The following MBD5 variants were observed in gnomAD, a reference collection of about 807,000 sequenced individuals.
The protein encoded by MBD5 is methyl-CpG-binding domain protein 5.
Under a neutral mutation model 117.3 loss-of-function variants are expected in MBD5, and 13 were observed. The observed-to-expected ratio is 0.11, with a 90% CI of 0.07 to 0.18. The LOEUF is 0.18. MBD5 is among the 10% of genes least tolerant of loss of function. MBD5 has a pLI of 1.00. For synonymous variants in MBD5, 727 were observed against 766.4 expected (o/e 0.95, Z 0.85); for missense variants, 1,879 against 2,093.8 (o/e 0.90, Z 2.00).
intron 1 of MBD5, among the ~76,000 whole-genome samples, chr2:148,023,113 G>T (rs1156530307): frequency 5.7e-5 from 8 of 141,022 alleles, no homozygotes; most frequent in African/African-American, 7.9e-5. Context: ...TAACTGCATT[G>T]GTATCTCTGA....
At chr2:148,451,749 C>A (rs1329022822) in intron 4 of MBD5, among the ~76,000 whole-genome samples, 1 of 151,980 alleles carries the variant, frequency 6.6e-6, no homozygotes, top group African/African-American at 2.4e-5. Flanking sequence ...AGGACTTGTT[C>A]TTAATTGGAG....
At chr2:148,213,196 C>T (rs1300835810) in intron 2 of MBD5, among the ~76,000 whole-genome samples, 1 of 152,136 alleles carries the variant, frequency 6.6e-6, no homozygotes, top group African/African-American at 2.4e-5. Context: ...AATATTATCA[C>T]TTAATTTTTT....
At chr2:148,071,386 T>C (rs1458661253) in intron 1 of MBD5, 1 of 151,864 alleles carries the variant, frequency 6.6e-6, no homozygotes, top group Non-Finnish European at 1.5e-5. Context: ...GCCACAATTA[T>C]TGAGGCAGGT....
chr2:148,052,206 GTTTTTT>G (rs70992189), intron 1 of MBD5, among the ~76,000 whole-genome samples: 2 of 83,742 alleles, frequency 2.4e-5, no homozygotes, highest in African/African-American at 9.5e-5. Flanking sequence ...CTGTTATTGA[GTTTTTT>G]TTTTTTTTTT....
At chr2:148,456,910 C>A (rs546508559) in intron 4 of MBD5, among the ~76,000 whole-genome samples, 2 of 152,232 alleles carry the variant, frequency 1.3e-5, no homozygotes, top group East Asian at 3.9e-4. Flanking sequence ...GCCTTTACTG[C>A]AAGGTGGTCT....
intron 3 of MBD5, among the ~76,000 whole-genome samples, chr2:148,297,346 T>C (rs1701679151): frequency 6.6e-6 from 1 of 152,236 alleles, no homozygotes; most frequent in Admixed American, 6.5e-5. Context: ...TCACCACCTA[T>C]GTGAAGCTTC....
At chr2:148,441,015 G>T (rs1706303800) in intron 4 of MBD5, among the ~76,000 whole-genome samples, 1 of 152,150 alleles carries the variant, frequency 6.6e-6, no homozygotes, top group South Asian at 2.1e-4. Context: ...AATGACATGT[G>T]AGGACTTCTT....
chr2:148,152,384 G>T (rs1425871297), intron 1 of MBD5, among the ~76,000 whole-genome samples: 1 of 152,216 alleles, frequency 6.6e-6, no homozygotes, highest in Non-Finnish European at 1.5e-5. Flanking sequence ...TGGAATAGGT[G>T]TGGTGCGGTG....
intron 8 of MBD5, chr2:148,471,586 T>C (rs1680798213): frequency 6.6e-6 from 1 of 152,116 alleles, no homozygotes; most frequent in Admixed American, 6.6e-5. Context: ...ATGTCTTTGT[T>C]GCTGATAGTA....
chr2:148,186,351 C>T (rs892261171), intron 2 of MBD5, among the ~76,000 whole-genome samples: 5 of 152,184 alleles, frequency 3.3e-5, no homozygotes, highest in Admixed American at 3.3e-4. Context: ...GTCCATTAAA[C>T]CACTTTTTCT....
chr2:148,398,102 T>G (rs1177705317), intron 4 of MBD5, among the ~76,000 whole-genome samples: 1 of 152,182 alleles, frequency 6.6e-6, no homozygotes, highest in East Asian at 1.9e-4. Context: ...TGAATAGTGC[T>G]GCAATAAACA....
intron 3 of MBD5, among the ~76,000 whole-genome samples, chr2:148,252,467 A>G (rs1700490195): frequency 6.7e-6 from 1 of 149,726 alleles, no homozygotes. Flanking sequence ...TCTCAAAAGG[A>G]AAAAAAGAAA....
intron 2 of MBD5, among the ~76,000 whole-genome samples, chr2:148,182,454 G>A (rs1698554440): frequency 6.6e-6 from 1 of 152,084 alleles, no homozygotes; most frequent in Admixed American, 6.5e-5. Flanking sequence ...TCTGACTGGA[G>A]ATTTTGGAAT....
At chr2:148,029,215 T>C (rs528045595) in intron 1 of MBD5, among the ~76,000 whole-genome samples, 18 of 152,082 alleles carry the variant, frequency 1.2e-4, no homozygotes, top group African/African-American at 4.3e-4. Flanking sequence ...TTCATAGAAG[T>C]ATAAAATTAA....
intron 4 of MBD5, among the ~76,000 whole-genome samples, chr2:148,362,858 G>C (rs1703582480): frequency 6.6e-6 from 1 of 152,146 alleles, no homozygotes; most frequent in Non-Finnish European, 1.5e-5. Flanking sequence ...GTCTGGAGTG[G>C]ACCTCCAGCA....
At chr2:148,387,429 C>T (rs1430872322) in intron 4 of MBD5, among the ~76,000 whole-genome samples, 1 of 152,044 alleles carries the variant, frequency 6.6e-6, no homozygotes, top group African/African-American at 2.4e-5. Context: ...CTGTGAAGAA[C>T]ATACAGCAAG....
rs1574480161 is a variant in MBD5 at position 148,485,804 on chromosome 2, T to C, written c.3607T>C (p.Leu1203=). 1 of 1,614,076 alleles carries C rather than the reference T, an allele frequency of 6.2e-7. No homozygotes were observed. Among genetic ancestry groups the C allele is most frequent in the South Asian group, 1.1e-5 (1 of 91,076 alleles). ...TCAACTGACTCATCTACAGTCGCTGTTAAACAACAATCAGATGTTTCCTCC... is the reference window on the plus strand; with the variant it reads ...TCAACTGACTCATCTACAGTCGCTGCTAAACAACAATCAGATGTTTCCTCC... ...NHQLTHLQSL[L]NNNQMFPPNQ... The change falls in exon 10 of 14, where the codon TTA becomes CTA. Residue 1203 remains leucine, a synonymous_variant. Transcript: ENST00000642680.
chr2:148,118,799 T>C (rs545318815), intron 1 of MBD5, among the ~76,000 whole-genome samples: 2 of 152,322 alleles, frequency 1.3e-5, no homozygotes, highest in Admixed American at 6.5e-5. Flanking sequence ...GATTTGTCAC[T>C]GACTTTTTTC....
intron 3 of MBD5, among the ~76,000 whole-genome samples, chr2:148,334,955 T>C (rs757111610): frequency 2.0e-5 from 3 of 152,222 alleles, no homozygotes; most frequent in Non-Finnish European, 4.4e-5. Context: ...TTTAAATGCT[T>C]GCTTCACTGC....
Sources: allele counts gnomAD v4.1 joint callset (sites outside exome capture counted in the v4.1 genomes callset), GRCh38; gene constraint gnomAD v4.1.1; transcripts MANE v1.5; gene names NCBI Gene and HGNC (gene_info 2026-07-23, HGNC 2026-07-21).